Variants in NMNAT1 observed in about 807,000 individuals in gnomAD.
NMNAT1 encodes the protein nicotinamide nucleotide adenylyltransferase 1.
NMNAT1 carries 11 observed loss-of-function variants against 16.7 expected under a neutral mutation model. The ratio of observed to expected loss-of-function variants is 0.66; its 90% CI spans 0.41 to 1.09. The LOEUF is 1.09. Ranked by LOEUF, NMNAT1 falls within the 50% of genes least tolerant of loss-of-function variation. NMNAT1 has a pLI of 0.00. For missense variants in NMNAT1, 280 were observed against 332.3 expected (o/e 0.84, Z 1.22); for synonymous variants, 110 against 119.8 (o/e 0.92, Z 0.53).
intron 2 of NMNAT1, among the ~76,000 whole-genome samples, chr1:9,974,052 G>C (rs968410600): frequency 4.6e-5 from 7 of 152,204 alleles, no homozygotes; most frequent in Middle Eastern, 3.4e-3. Flanking sequence ...TGACCAGGCT[G>C]CTCTTGAACT....
At chr1:9,957,021 C>G (rs1641279203) in intron 1 of NMNAT1, among the ~76,000 whole-genome samples, 1 of 151,556 alleles carries the variant, frequency 6.6e-6, no homozygotes, top group Non-Finnish European at 1.5e-5. Context: ...TGAGCCATTG[C>G]ATCTGGCCTT....
At chr1:9,978,716 A>T (rs765930547) in intron 3 of NMNAT1, among the ~76,000 whole-genome samples, 7 of 152,338 alleles carry the variant, frequency 4.6e-5, no homozygotes, top group Middle Eastern at 3.4e-3. Flanking sequence ...TCAGCTGCTC[A>T]GAAGGGTTGG....
chr1:9,982,524 C>A lies in NMNAT1; in HGVS notation c.663C>A (p.Ile221=), dbSNP rs201869906. 1 of 1,614,126 alleles carries A rather than the reference C, an allele frequency of 6.2e-7. No individual in the cohort carries two copies. Among genetic ancestry groups the A allele is most frequent in the African/African-American group, 1.3e-5 (1 of 75,046 alleles). The change falls in exon 5 of 5, where the codon ATC becomes ATA. Residue 221 remains isoleucine, a synonymous_variant. Coordinates refer to ENST00000377205, the MANE Select transcript of NMNAT1 (RefSeq NM_022787.4). ...TGAATGAATGGATCGCTAATGACAT[C>A]TCATCCACAAAAATCCGGAGAGCCC... ...HVVNEWIAND[I]SSTKIRRALR... is the part of the protein sequence containing the mutation.
At position 9,976,467 on chromosome 1, in the gene NMNAT1, G is replaced by GATAATTT. The variant is rs879654145; in HGVS notation, c.299+693_299+694insTAATTTA. On this transcript the variant is annotated intron_variant, in intron 3 of 4. Coordinates refer to ENST00000377205, the MANE Select transcript of NMNAT1 (RefSeq NM_022787.4). ...AGACAGGCAGATAATTTAAGGAAGA[G>GATAATTT]AAGCATCCAGTGCTGCTTGATCATG... 7.8e-3 allele frequency among the ~76,000 whole-genome samples: 1,193 copies of GATAATTT among 152,162 alleles called. 30 individuals are homozygous for GATAATTT. The East Asian group carries it at 0.098, about 13-fold the overall frequency.
intron 3 of NMNAT1, among the ~76,000 whole-genome samples, chr1:9,978,153 T>TCTC (rs1269177227): frequency 6.6e-6 from 1 of 152,090 alleles, no homozygotes; most frequent in East Asian, 1.9e-4. Flanking sequence ...GGTCAGGAGA[T>TCTC]CGAGACCACC....
intron 3 of NMNAT1, among the ~76,000 whole-genome samples, chr1:9,980,508 AG>A (rs1641916753): frequency 6.6e-6 from 1 of 151,142 alleles, no homozygotes; most frequent in Non-Finnish European, 1.5e-5. Context: ...CTGTAATCCC[AG>A]CTGCTCGGGA....
intron 1 of NMNAT1, among the ~76,000 whole-genome samples, chr1:9,954,862 C>T (rs1345675467): frequency 2.1e-5 from 3 of 146,330 alleles, no homozygotes; most frequent in Non-Finnish European, 4.5e-5. Context: ...ACCCAGGAGG[C>T]GGAGGTTGCA....
At chr1:9,975,561 T>G (rs1397116757) in intron 2 of NMNAT1, 31 bp from the exon 3 acceptor site, 1 of 1,515,934 alleles carries the variant, frequency 6.6e-7, no homozygotes, top group Non-Finnish European at 9.0e-7. Flanking sequence ...TAATTTGTTA[T>G]ACCTAGTGTG....
chr1:9,977,741 C>G (rs981642595), intron 3 of NMNAT1, among the ~76,000 whole-genome samples: 2 of 151,960 alleles, frequency 1.3e-5, no homozygotes, highest in African/African-American at 2.4e-5. Flanking sequence ...ACCTGTAATC[C>G]CAGCTACTAG....
At chr1:9,956,312 G>A (rs1020983942) in intron 1 of NMNAT1, among the ~76,000 whole-genome samples, 3 of 151,820 alleles carry the variant, frequency 2.0e-5, no homozygotes, top group African/African-American at 4.8e-5. Flanking sequence ...TGGGATTACA[G>A]GCACGTGCCA....
At chr1:9,980,054 C>T (rs1307909334) in intron 3 of NMNAT1, among the ~76,000 whole-genome samples, 1 of 151,372 alleles carries the variant, frequency 6.6e-6, no homozygotes, top group African/African-American at 2.4e-5. Flanking sequence ...GCCTCAGCCT[C>T]CCGAGTAGCT....
intron 1 of NMNAT1, among the ~76,000 whole-genome samples, chr1:9,945,865 C>T (rs1177586714): frequency 6.6e-6 from 1 of 152,166 alleles, no homozygotes; most frequent in Non-Finnish European, 1.5e-5. Flanking sequence ...GTGATCCTTG[C>T]ACCTCAGCCT....
chr1:9,973,941 G>A (rs554999743), intron 2 of NMNAT1, among the ~76,000 whole-genome samples: 49 of 151,272 alleles, frequency 3.2e-4, no homozygotes, highest in Admixed American at 2.8e-3. Context: ...GGATTCAAGC[G>A]ATTCTTTTGC....
chr1:9,945,870 C>T (rs1640967716), intron 1 of NMNAT1, among the ~76,000 whole-genome samples: 1 of 152,190 alleles, frequency 6.6e-6, no homozygotes, highest in Admixed American at 6.6e-5. Flanking sequence ...CCTTGCACCT[C>T]AGCCTCCCTA....
At chr1:9,990,731 G>T in the NMNAT1 span, among the ~76,000 whole-genome samples, 1 of 152,150 alleles carries the variant, frequency 6.6e-6, no homozygotes, top group Non-Finnish European at 1.5e-5. Context: ...TGATAAAGTG[G>T]CCCTCAGCAA....
At chr1:9,969,396 T>C (rs1641638479) in intron 1 of NMNAT1, among the ~76,000 whole-genome samples, 1 of 152,006 alleles carries the variant, frequency 6.6e-6, no homozygotes, top group South Asian at 2.1e-4. Context: ...GAGGATGAAG[T>C]TGAGGCTATC....
At chr1:9,968,514 G>T (rs11584113) in intron 1 of NMNAT1, among the ~76,000 whole-genome samples, 1 of 137,968 alleles carries the variant, frequency 7.2e-6, no homozygotes, top group Non-Finnish European at 1.6e-5. Context: ...TGCCTGTAAT[G>T]CCAATACTCT....
chr1:9,956,731 CTTTT>C (rs1269404630), intron 1 of NMNAT1, among the ~76,000 whole-genome samples: 2 of 119,376 alleles, frequency 1.7e-5, no homozygotes, highest in Non-Finnish European at 1.8e-5. Context: ...CCTTGTTTAC[CTTTT>C]TTTTTTTTTT....
At chr1:9,982,280 G>T (rs1407290291) in intron 4 of NMNAT1, 21 bp from the exon 5 acceptor site, 7 of 1,589,244 alleles carry the variant, frequency 4.4e-6, no homozygotes, top group Middle Eastern at 1.7e-4. Context: ...ATACCCCAAA[G>T]CTCTGTTTTA....
Sources: gnomAD v4.1 joint callset for allele counts (sites outside exome capture counted in the v4.1 genomes callset) on GRCh38, gnomAD v4.1.1 for gene constraint, MANE v1.5 for transcripts, NCBI Gene and HGNC (gene_info 2026-07-23, HGNC 2026-07-21) for gene names.